The following PDE11A variants were observed in gnomAD, a reference collection of about 807,000 sequenced individuals.
The protein encoded by PDE11A is dual 3',5'-cyclic-AMP and -GMP phosphodiesterase 11A.
A neutral mutation model predicts 100.5 loss-of-function variants in PDE11A; 100 were observed. That is an observed-to-expected ratio of 1.00 (90% CI 0.85 to 1.18). The LOEUF is 1.18. Among genes scored for constraint, PDE11A ranks in the 50% most tolerant of loss-of-function variants. The pLI is 0.00. For synonymous variants in PDE11A, 381 were observed against 420.8 expected, an observed-to-expected ratio of 0.91 and a Z score of 1.16; for missense variants, 1,141 against 1,152.6, an observed-to-expected ratio of 0.99 and a Z score of 0.15.
In PDE11A at chr2:178,020,037, A is replaced by T. The variant is rs548001977; in HGVS notation, c.913-5577T>A. 1.2e-4 allele frequency among the ~76,000 whole-genome samples: 18 copies of T among 152,308 alleles called. No individual in the cohort carries two copies. The East Asian group carries it at 2.7e-3, about 23-fold the overall frequency. ...CATTACTAGGCATTGGTATTTTTTTAAATGCTCCTCTGTTATCCTCATATG... is the reference window on the plus strand; with the variant it reads ...CATTACTAGGCATTGGTATTTTTTTTAATGCTCCTCTGTTATCCTCATATG... On this transcript the variant is annotated intron_variant, in intron 1 of 19. Transcript: ENST00000286063.
intron 6 of PDE11A, among the ~76,000 whole-genome samples, chr2:177,839,507 T>C (rs1338208558): frequency 1.3e-5 from 2 of 152,180 alleles, no homozygotes; most frequent in Non-Finnish European, 2.9e-5. Flanking sequence ...AGTTTTTTGG[T>C]GATCTGGTCC....
intron 4 of PDE11A, among the ~76,000 whole-genome samples, chr2:177,893,459 C>T (rs779073957): frequency 1.2e-4 from 18 of 152,174 alleles, no homozygotes; most frequent in Non-Finnish European, 1.9e-4. Flanking sequence ...TTTAAAAGCC[C>T]GTTTTGGAAC....
At chr2:177,798,851 C>T (rs2082743769) in intron 9 of PDE11A, among the ~76,000 whole-genome samples, 1 of 152,142 alleles carries the variant, frequency 6.6e-6, no homozygotes, top group Non-Finnish European at 1.5e-5. Context: ...TAACTCCCCA[C>T]TCCTTAGGTG....
At chr2:177,853,714 T>TTGTG (rs71010826) in intron 5 of PDE11A, among the ~76,000 whole-genome samples, 477 of 16,148 alleles carry the variant, frequency 0.03, 21 homozygotes, top group South Asian at 0.16. Flanking sequence ...GTGTGTGTGT[T>TTGTG]TGTGTGTGTG....
intron 1 of PDE11A, among the ~76,000 whole-genome samples, chr2:178,065,196 AT>A (rs1196106621): frequency 6.6e-6 from 1 of 152,196 alleles, no homozygotes; most frequent in Non-Finnish European, 1.5e-5. Context: ...ATATGGCAAA[AT>A]ACTACCCTTA....
intron 2 of PDE11A, among the ~76,000 whole-genome samples, chr2:177,915,042 A>AT (rs994134691): frequency 4.6e-5 from 7 of 152,062 alleles, no homozygotes; most frequent in African/African-American, 7.2e-5. Flanking sequence ...AAAGAAGTAG[A>AT]TTTTTTTTAG....
intron 5 of PDE11A, among the ~76,000 whole-genome samples, chr2:177,846,023 G>GGGGAGACCGTGGGGAGAGGGAGA (rs2083594387): frequency 1.3e-5 from 2 of 150,652 alleles, no homozygotes; most frequent in Non-Finnish European, 3.0e-5. Flanking sequence ...AGAGAGGGAG[G>GGGGAGACCGTGGGGAGAGGGAGA]GGGAGACCGT....
At chr2:177,660,416 C>G (rs1228914909) in intron 19 of PDE11A, among the ~76,000 whole-genome samples, 1 of 152,066 alleles carries the variant, frequency 6.6e-6, no homozygotes, top group Admixed American at 6.6e-5. Flanking sequence ...GTCAGCCTCT[C>G]TCGTTGACAA....
Position 177,692,253 on chromosome 2 carries a change from A to G in PDE11A, c.2345+5079T>C, listed in dbSNP as rs73026501. Reference sequence around the variant, plus strand: ...GCATAGGTCATCTTTGTTGATTTACATGCAGATAAATAGTACAGGGCATTT... The same window carrying G: ...GCATAGGTCATCTTTGTTGATTTACGTGCAGATAAATAGTACAGGGCATTT... On this transcript the variant is annotated intron_variant, in intron 15 of 19. Coordinates refer to ENST00000286063, the MANE Select transcript of PDE11A (RefSeq NM_016953.4). 6.2e-3 allele frequency among the ~76,000 whole-genome samples: 937 copies of G among 152,332 alleles called. 4 individuals are homozygous for G. The highest frequency in any genetic ancestry group is 0.021 in the African/African-American group (859 of 41,582).
chr2:177,849,717 G>A (rs545156991), intron 5 of PDE11A, among the ~76,000 whole-genome samples: 2 of 151,444 alleles, frequency 1.3e-5, no homozygotes, highest in South Asian at 2.1e-4. Flanking sequence ...GTGAACCCGG[G>A]AGGTGGAGCT....
At chr2:177,899,902 A>AT (rs561188153) in intron 3 of PDE11A, among the ~76,000 whole-genome samples, 6 of 150,654 alleles carry the variant, frequency 4.0e-5, no homozygotes, top group South Asian at 2.1e-4. Context: ...AAACACATTA[A>AT]TTTTTTTTTA....
At chr2:177,884,044 T>C (rs1173031430) in intron 4 of PDE11A, among the ~76,000 whole-genome samples, 2 of 152,132 alleles carry the variant, frequency 1.3e-5, no homozygotes, top group African/African-American at 4.8e-5. Context: ...AAAGCCCAAG[T>C]GGTGTGGTAA....
At chr2:177,944,641 C>T (rs528897104) in intron 2 of PDE11A, among the ~76,000 whole-genome samples, 3 of 152,206 alleles carry the variant, frequency 2.0e-5, no homozygotes, top group Non-Finnish European at 4.4e-5. Flanking sequence ...TATATCTCTA[C>T]TTTAAAATCT....
At chr2:178,041,262 G>A (rs888420437) in intron 1 of PDE11A, among the ~76,000 whole-genome samples, 1 of 123,508 alleles carries the variant, frequency 8.1e-6, no homozygotes, top group Admixed American at 8.5e-5. Context: ...TTTTTTTTTT[G>A]AGACAGAGTC....
At chr2:177,662,547 T>C (rs1527404) in intron 19 of PDE11A, among the ~76,000 whole-genome samples, 151,403 of 152,326 alleles carry the variant, frequency 0.99, 75,248 homozygotes, top group East Asian at 1. Context: ...CATGGGGGAC[T>C]GCTTATTCGG....
intron 2 of PDE11A, among the ~76,000 whole-genome samples, chr2:177,930,305 G>C (rs539309478): frequency 6.6e-6 from 1 of 152,142 alleles, no homozygotes; most frequent in Admixed American, 6.5e-5. Flanking sequence ...AAATGAAAAG[G>C]CCTGTAGCCA....
At chr2:177,950,462 C>T (rs537955574) in intron 2 of PDE11A, among the ~76,000 whole-genome samples, 54 of 152,264 alleles carry the variant, frequency 3.5e-4, no homozygotes, top group South Asian at 1.5e-3. Flanking sequence ...GACAAAATCT[C>T]CCTGAAGTCA....
At chr2:177,763,568 A>AG (rs1245665064) in intron 10 of PDE11A, among the ~76,000 whole-genome samples, 3 of 152,044 alleles carry the variant, frequency 2.0e-5, no homozygotes, top group Non-Finnish European at 4.4e-5. Context: ...ATCTGCCCTG[A>AG]GGGGGAGGAG....
intron 5 of PDE11A, among the ~76,000 whole-genome samples, chr2:177,850,380 T>C (rs1351231426): frequency 1.3e-5 from 2 of 152,048 alleles, no homozygotes; most frequent in East Asian, 1.9e-4. Context: ...ATACAAAAAT[T>C]AATTCAAGAT....
Sources: allele counts gnomAD v4.1 joint callset (sites outside exome capture counted in the v4.1 genomes callset), GRCh38; gene constraint gnomAD v4.1.1; transcripts MANE v1.5; gene names NCBI Gene and HGNC (gene_info 2026-07-23, HGNC 2026-07-21).